Variants in MAN1B1 observed in about 807,000 individuals in gnomAD.
MAN1B1 encodes the protein mannosidase alpha class 1B member 1.
In MAN1B1, 66 loss-of-function variants were observed where a neutral mutation model predicts 75.5. The ratio of observed to expected loss-of-function variants is 0.87; its 90% CI spans 0.72 to 1.07. The LOEUF is 1.07. Among genes scored for constraint, MAN1B1 ranks in the 50% least tolerant of loss-of-function variants. The pLI is 0.00. For missense variants in MAN1B1, 973 were observed against 912.5 expected, an observed-to-expected ratio of 1.07 and a Z score of -0.85; for synonymous variants, 453 against 382.8, an observed-to-expected ratio of 1.18 and a Z score of -2.14.
intron 3 of MAN1B1, among the ~76,000 whole-genome samples, chr9:137,092,764 A>G (rs534571021): frequency 6.6e-5 from 10 of 152,262 alleles, no homozygotes; most frequent in Middle Eastern, 3.4e-3. Flanking sequence ...CGTGTCGGCA[A>G]TGTTTCCAAT....
At position 137,091,228 on chromosome 9, in the gene MAN1B1, C is replaced by T. The variant is rs570925055; in HGVS notation, c.465+2223C>T. Among the ~76,000 whole-genome samples, 164 of 152,358 alleles carry T rather than the reference C, an allele frequency of 1.1e-3. 1 individual carries two copies. The highest frequency in any genetic ancestry group is 1.9e-3 in the Non-Finnish European group (128 of 68,042). ...TTTGCATATGGAGTATCGTAACTGC[C>T]TGAGAGCAGACTGTGGTATTTTTTC... On this transcript the variant is annotated intron_variant, in intron 3 of 12. Coordinates refer to ENST00000371589, the MANE Select transcript of MAN1B1 (RefSeq NM_016219.5).
chr9:137,088,755 G>T (rs1050811727), intron 2 of MAN1B1, 114 bp from the exon 3 acceptor site: 1 of 1,095,908 alleles, frequency 9.1e-7, no homozygotes, highest in Admixed American at 1.8e-5. Context: ...TGACTATCAG[G>T]TATCATAATG....
chr9:137,107,789 C>A, intron 12 of MAN1B1, 127 bp downstream of exon 12: 1 of 1,423,240 alleles, frequency 7.0e-7, no homozygotes, highest in Non-Finnish European at 9.8e-7. Context: ...GCGGGCTTGC[C>A]GCAGCCTCGG....
chr9:137,103,672 G>A, intron 8 of MAN1B1: 2 of 436,046 alleles, frequency 4.6e-6, no homozygotes, highest in Non-Finnish European at 9.1e-6. Flanking sequence ...AGGCGTGCAG[G>A]TCGGTGGTGT....
chr9:137,095,836 C>T (rs1371101501), intron 3 of MAN1B1, among the ~76,000 whole-genome samples: 1 of 152,208 alleles, frequency 6.6e-6, no homozygotes, highest in Non-Finnish European at 1.5e-5. Flanking sequence ...CTCCATATGT[C>T]ATCGGAAGCT....
chr9:137,107,329 C>A lies in MAN1B1; in HGVS notation c.1646C>A (p.Ala549Asp). The A allele has an allele frequency of 1.9e-6, 3 of 1,613,266 alleles. No individual in the cohort carries two copies. The highest frequency in any genetic ancestry group is 2.5e-6 in the Non-Finnish European group (3 of 1,179,998). Reference sequence around the variant, plus strand: ...CTGCCCGCCAGCCACATGGAGCTGGCCCAGGAGCTCATGGAGACTTGTTAC... The same window carrying A: ...CTGCCCGCCAGCCACATGGAGCTGGACCAGGAGCTCATGGAGACTTGTTAC... ...HGLPASHMEL[A>D]QELMETCYQM... Residue 549 changes from alanine (A) to aspartate (D), a missense_variant, in exon 11 of 13, where the codon GCC (alanine) becomes GAC (aspartate). By Grantham distance (126) the Ala-to-Asp change is moderately radical. Coordinates refer to ENST00000371589, the MANE Select transcript of MAN1B1 (RefSeq NM_016219.5).
rs1034830286 is a variant in MAN1B1 at position 137,096,500 on chromosome 9, A to G, written c.620+109A>G. Reference sequence around the variant, plus strand: ...AGATCTATTTTCCTTTGAAACTGACAGTGTATGCTCTGTAATCTGTCCTCA... The same window carrying G: ...AGATCTATTTTCCTTTGAAACTGACGGTGTATGCTCTGTAATCTGTCCTCA... On this transcript the variant is annotated intron_variant, in intron 4 of 12. Coordinates refer to ENST00000371589, the MANE Select transcript of MAN1B1 (RefSeq NM_016219.5). 89 of 1,392,982 alleles carry G rather than the reference A, an allele frequency of 6.4e-5. 1 individual carries two copies. In the South Asian group the frequency reaches 7.8e-4, roughly 12 times the overall value. The allele number at this position is 1,392,982 out of a possible 1,614,324, so 86.3% of individuals were successfully genotyped here.
Position 137,106,217 on chromosome 9 carries a change from C to T in MAN1B1, c.1347C>T (p.Leu449=). The change falls in exon 9 of 13, where the codon CTC becomes CTT. Residue 449 remains leucine (L), a synonymous_variant. Coordinates refer to ENST00000371589, the MANE Select transcript of MAN1B1 (RefSeq NM_016219.5). ...VPMFINTHSG[L]FTHLGVFTLG... ...TGTTCATCAATACCCACAGTGGCCT[C>T]TTCACCCACCTGGGCGTATTCACGC... The T allele has an allele frequency of 3.7e-6, 6 of 1,609,408 alleles. No homozygotes were observed. Among genetic ancestry groups the T allele is most frequent in the Non-Finnish European group, 5.1e-6 (6 of 1,178,418 alleles).
chr9:137,089,201 A>G lies in MAN1B1; in HGVS notation c.465+196A>G, dbSNP rs1168681309. ...GCTTCATTCTTTTTGAAGACCAGCC[A>G]TGGCCAGTTCCGGTTTTACTTCTGA... On this transcript the variant is annotated intron_variant, in intron 3 of 12. Coordinates refer to ENST00000371589, the MANE Select transcript of MAN1B1 (RefSeq NM_016219.5). The G allele has an allele frequency of 4.3e-6, 3 of 700,896 alleles. No homozygotes were observed. In the South Asian group the frequency reaches 5.0e-5, roughly 12 times the overall value. The allele number at this position is 700,896 out of a possible 1,614,324, so 43.4% of individuals were successfully genotyped here.
chr9:137,087,233 G>T lies in MAN1B1; in HGVS notation c.219+15G>T, dbSNP rs940318440. 3 of 1,558,770 alleles carry T rather than the reference G, an allele frequency of 1.9e-6. No homozygotes were observed. The highest frequency in any genetic ancestry group is 2.7e-5 in the African/African-American group (2 of 74,006). On this transcript the variant is annotated intron_variant, in intron 1 of 12. Transcript: ENST00000371589. ...CGTGCTGGAGGGTGAGGGTCGCGCC[G>T]GGCTGACTGGGGCCCGGGGCTGCCG...
intron 8 of MAN1B1, 92 bp downstream of exon 8, chr9:137,101,764 TG>T: frequency 7.1e-7 from 1 of 1,412,156 alleles, no homozygotes. Context: ...TGTATGTGCA[TG>T]TGTGTTTTCA....
rs986428010 is a variant in MAN1B1, at chr9:137,106,821, T to C, written c.1566+12T>C. The C allele has an allele frequency of 1.1e-5, 17 of 1,612,208 alleles. No individual in the cohort carries two copies. The highest frequency in any genetic ancestry group is 1.4e-5 in the Non-Finnish European group (16 of 1,179,510). On this transcript the variant is annotated intron_variant, in intron 10 of 12. Transcript: ENST00000371589. ...TCAGTGCCAAGATGGTGAGTGTGTC[T>C]GCGGGGCCTTCCGGCCGCCGCCCCT...
At chr9:137,101,243 T>G in intron 7 of MAN1B1, 90 bp downstream of exon 7, 2 of 1,511,984 alleles carry the variant, frequency 1.3e-6, no homozygotes, top group Non-Finnish European at 1.8e-6. Flanking sequence ...GTGACTGTCT[T>G]CCTGTTTCCT....
rs772127475 is a variant in MAN1B1 at position 137,088,859 on chromosome 9, T to C, written c.329-10T>C. On this transcript the variant is annotated splice_polypyrimidine_tract_variant and intron_variant, in intron 2 of 12. Transcript: ENST00000371589. ...GGCATATTTGAAATAAAATAGCTTC[T>C]GTTATTCAGCTCTGGCTTTCAGGCT... 2 of 1,613,858 alleles carry C rather than the reference T, an allele frequency of 1.2e-6. No homozygotes were observed. The highest frequency in any genetic ancestry group is 2.2e-5 in the East Asian group (1 of 44,884).
intron 1 of MAN1B1, chr9:137,087,509 G>C (rs1830404815): frequency 1.6e-6 from 1 of 632,048 alleles, no homozygotes; most frequent in Non-Finnish European, 2.9e-6. Flanking sequence ...TCCTGGCCCA[G>C]GCGCCTGCCC....
chr9:137,104,304 C>A, intron 8 of MAN1B1: 1 of 338,314 alleles, frequency 3.0e-6, no homozygotes, highest in Non-Finnish European at 5.8e-6. Context: ...GGCGTGATCT[C>A]AGCTCACTGC....
chr9:137,090,347 C>G (rs1420919433), intron 3 of MAN1B1, among the ~76,000 whole-genome samples: 3 of 152,140 alleles, frequency 2.0e-5, no homozygotes, highest in Non-Finnish European at 1.5e-5. Context: ...GTGGACTTCC[C>G]TGCAGGGCTG....
intron 8 of MAN1B1, chr9:137,103,943 G>C: frequency 4.4e-6 from 2 of 452,788 alleles, no homozygotes; most frequent in South Asian, 3.1e-5. Context: ...GCTGTTGCAG[G>C]CGTGCAGGTC....
At chr9:137,100,956 G>T (rs199928734) in intron 6 of MAN1B1, 49 bp from the exon 7 acceptor site, 14 of 1,608,880 alleles carry the variant, frequency 8.7e-6, no homozygotes, top group Non-Finnish European at 1.2e-5. Flanking sequence ...ATAGGAAAAC[G>T]TTGGAGCCAT....
Sources: gnomAD v4.1 joint callset for allele counts (sites outside exome capture counted in the v4.1 genomes callset) on GRCh38, gnomAD v4.1.1 for gene constraint, MANE v1.5 for transcripts, NCBI Gene and HGNC (gene_info 2026-07-23, HGNC 2026-07-21) for gene names.